COL5A2: variants seen among roughly 807,000 people sequenced by gnomAD.
COL5A2 encodes the protein collagen type V alpha 2 chain.
COL5A2 carries 23 observed loss-of-function variants against 208.2 expected under a neutral mutation model. The observed-to-expected ratio is 0.11, with a 90% CI of 0.08 to 0.16. COL5A2 has a LOEUF of 0.16. Among genes scored for constraint, COL5A2 ranks in the 10% least tolerant of loss-of-function variants. COL5A2 has a pLI of 1.00. For missense variants in COL5A2, 1,590 were observed against 1,956.4 expected, an observed-to-expected ratio of 0.81 and a Z score of 3.53; for synonymous variants, 625 against 628.5, an observed-to-expected ratio of 0.99 and a Z score of 0.08.
the COL5A2 span, among the ~76,000 whole-genome samples, chr2:189,277,489 G>A: frequency 6.6e-6 from 1 of 151,984 alleles, no homozygotes; most frequent in Non-Finnish European, 1.5e-5. Context: ...TACCCCTTAA[G>A]AGCCAAACAT....
At chr2:189,419,325 C>G in the COL5A2 span, among the ~76,000 whole-genome samples, 1 of 152,088 alleles carries the variant, frequency 6.6e-6, no homozygotes, top group Non-Finnish European at 1.5e-5. Context: ...GTACTCTACA[C>G]GTACACAAAA....
chr2:189,174,109 G>A (rs930837772), intron 1 of COL5A2, among the ~76,000 whole-genome samples: 5 of 152,156 alleles, frequency 3.3e-5, no homozygotes, highest in Admixed American at 6.5e-5. Context: ...AGATTAACAC[G>A]ATTCCAATCT....
At chr2:189,282,397 C>G in the COL5A2 span, among the ~76,000 whole-genome samples, 1 of 151,986 alleles carries the variant, frequency 6.6e-6, no homozygotes, top group South Asian at 2.1e-4. Context: ...AGGTAAAATG[C>G]TGCTAAACAT....
At chr2:189,073,660 C>A (rs1306453916) in intron 17 of COL5A2, among the ~76,000 whole-genome samples, 1 of 152,022 alleles carries the variant, frequency 6.6e-6, no homozygotes, top group Non-Finnish European at 1.5e-5. Flanking sequence ...TTACTAGCAA[C>A]CAGTGTTAAT....
At chr2:189,162,201 C>T (rs1050020070) in intron 1 of COL5A2, among the ~76,000 whole-genome samples, 2 of 152,138 alleles carry the variant, frequency 1.3e-5, no homozygotes, top group African/African-American at 4.8e-5. Flanking sequence ...TTGTCTCATT[C>T]CCACTAGACG....
chr2:189,187,489 C>G (rs1314097793), intron 1 of COL5A2, among the ~76,000 whole-genome samples: 1 of 152,068 alleles, frequency 6.6e-6, no homozygotes, highest in Non-Finnish European at 1.5e-5. Context: ...ATTTCCTCAT[C>G]TGAAAAATGG....
At position 189,058,517 on chromosome 2, in the gene COL5A2, C is replaced by T; in HGVS notation, c.2141G>A (p.Gly714Glu). The T allele has an allele frequency of 1.2e-6, 2 of 1,613,608 alleles. No individual in the cohort carries two copies. The highest frequency in any genetic ancestry group is 1.7e-6 in the Non-Finnish European group (2 of 1,179,590). The change falls in exon 33 of 54, where the codon GGA (glycine) becomes GAA (glutamate). Residue 714 changes from glycine to glutamate, a missense_variant. Physicochemically the swap from Gly to Glu is moderately conservative, Grantham distance 98 (BLOSUM62 -2). Coordinates refer to ENST00000374866, the MANE Select transcript of COL5A2 (RefSeq NM_000393.5). Reference protein sequence around the residue: ...VGPLGPRGERGNPGERGEPGI... With the variant: ...VGPLGPRGERENPGERGEPGI... Reference sequence around the variant, plus strand: ...AGGTTCTCCTCTTTCCCCAGGATTTCCTCGTTCTCCCTAGCACAAAATTGG... The same window carrying T: ...AGGTTCTCCTCTTTCCCCAGGATTTTCTCGTTCTCCCTAGCACAAAATTGG...
At chr2:189,408,580 G>C in the COL5A2 span, among the ~76,000 whole-genome samples, 2 of 152,044 alleles carry the variant, frequency 1.3e-5, no homozygotes, top group Non-Finnish European at 2.9e-5. Flanking sequence ...CATGTTTTAG[G>C]TTGGAATTTA....
At chr2:189,192,890 G>A (rs1046487642) in intron 1 of COL5A2, among the ~76,000 whole-genome samples, 1 of 152,228 alleles carries the variant, frequency 6.6e-6, no homozygotes, top group Non-Finnish European at 1.5e-5. Context: ...CCTATCACAA[G>A]AGTGTGCTAC....
At chr2:189,064,522 C>T (rs1417867404) in intron 25 of COL5A2, 35 bp downstream of exon 25, 1 of 1,451,988 alleles carries the variant, frequency 6.9e-7, no homozygotes, top group Non-Finnish European at 9.7e-7. Flanking sequence ...AGCACTTCTC[C>T]CCTTTGATGT....
chr2:189,286,365 T>G, the COL5A2 span, among the ~76,000 whole-genome samples: 2 of 152,128 alleles, frequency 1.3e-5, no homozygotes, highest in African/African-American at 4.8e-5. Context: ...CAAAAGAAGA[T>G]GAAGAAATAA....
At chr2:189,355,416 A>G in the COL5A2 span, among the ~76,000 whole-genome samples, 5 of 152,248 alleles carry the variant, frequency 3.3e-5, no homozygotes, top group Admixed American at 3.3e-4. Flanking sequence ...TGGGAGTCTA[A>G]GTCTCTTTGT....
At position 189,064,041 on chromosome 2, in the gene COL5A2, T is replaced by TA. The variant is rs749225081; in HGVS notation, c.1717-9dup. On this transcript the variant is annotated splice_polypyrimidine_tract_variant and intron_variant, in intron 25 of 53. Transcript: ENST00000374866. ...AGGATTTCCTGTCAAACCCTGAAAA[T>TA]AAAAAACCAACTGTCAGTTTGTTGC... 4.3e-6 allele frequency: 7 copies of TA among 1,612,594 alleles called. No individual in the cohort carries two copies. Among genetic ancestry groups the TA allele is most frequent in the Non-Finnish European group, 5.1e-6 (6 of 1,179,198 alleles).
chr2:189,325,423 C>T, the COL5A2 span, among the ~76,000 whole-genome samples: 1 of 151,740 alleles, frequency 6.6e-6, no homozygotes, highest in Non-Finnish European at 1.5e-5. Flanking sequence ...TCCTAGCGGT[C>T]CTTCCACAAA....
the COL5A2 span, among the ~76,000 whole-genome samples, chr2:189,319,487 G>C: frequency 6.6e-6 from 1 of 152,170 alleles, no homozygotes; most frequent in Non-Finnish European, 1.5e-5. Context: ...CTTTTCCAAT[G>C]GTCTTAGCAA....
the COL5A2 span, among the ~76,000 whole-genome samples, chr2:189,407,949 T>C: frequency 6.6e-6 from 1 of 152,220 alleles, no homozygotes; most frequent in African/African-American, 2.4e-5. Flanking sequence ...GACCTCGTTA[T>C]GGCAAGTGAA....
the COL5A2 span, among the ~76,000 whole-genome samples, chr2:189,399,789 T>A: frequency 6.6e-6 from 1 of 152,174 alleles, no homozygotes; most frequent in East Asian, 1.9e-4. Flanking sequence ...AGCCTCAATC[T>A]CCCTGGCTCA....
intron 1 of COL5A2, among the ~76,000 whole-genome samples, chr2:189,115,934 G>C (rs1687380388): frequency 1.3e-5 from 2 of 152,174 alleles, no homozygotes; most frequent in African/African-American, 2.4e-5. Context: ...ATGGTCACTT[G>C]GTGGTTCTTA....
the COL5A2 span, among the ~76,000 whole-genome samples, chr2:189,343,180 AAC>A: frequency 2.6e-5 from 4 of 152,250 alleles, no homozygotes; most frequent in Non-Finnish European, 4.4e-5. Context: ...TGTTAAAAAA[AAC>A]AGTCATTTTA....
Sources: allele counts gnomAD v4.1 joint callset (sites outside exome capture counted in the v4.1 genomes callset), GRCh38; gene constraint gnomAD v4.1.1; transcripts MANE v1.5; gene names NCBI Gene and HGNC (gene_info 2026-07-23, HGNC 2026-07-21).